INPP4B: variants seen among roughly 807,000 people sequenced by gnomAD.
The protein encoded by INPP4B is inositol polyphosphate-4-phosphatase type II B.
A neutral mutation model predicts 122.5 loss-of-function variants in INPP4B; 55 were observed. That is an observed-to-expected ratio of 0.45 (90% CI 0.36 to 0.56). The LOEUF is 0.56. Among genes scored for constraint, INPP4B ranks in the 20% least tolerant of loss-of-function variants. The pLI is 0.00. For missense variants in INPP4B, 1,000 were observed against 1,097.7 expected (o/e 0.91, Z 1.26); for synonymous variants, 403 against 388.7 (o/e 1.04, Z -0.43).
At chr4:142,477,823 T>C (rs1819989469) in intron 2 of INPP4B, among the ~76,000 whole-genome samples, 1 of 152,180 alleles carries the variant, frequency 6.6e-6, no homozygotes, top group Non-Finnish European at 1.5e-5. Flanking sequence ...ACCAGATGGA[T>C]TCACAGACAA....
intron 11 of INPP4B, among the ~76,000 whole-genome samples, chr4:142,241,027 A>T (rs1859106618): frequency 6.6e-6 from 1 of 152,166 alleles, no homozygotes; most frequent in Admixed American, 6.5e-5. Context: ...TCTATAGCAT[A>T]CACACTCTGC....
chr4:142,043,409 T>C (rs2152344340), intron 25 of INPP4B, among the ~76,000 whole-genome samples: 1 of 152,338 alleles, frequency 6.6e-6, no homozygotes, highest in Middle Eastern at 3.4e-3. Context: ...ATGCTTTATA[T>C]ATATCATCAT....
intron 2 of INPP4B, among the ~76,000 whole-genome samples, chr4:142,650,149 TAC>T: frequency 6.6e-6 from 1 of 152,286 alleles, no homozygotes; most frequent in East Asian, 1.9e-4. Flanking sequence ...TAAAATCCTT[TAC>T]AGACAAGCAA....
intron 2 of INPP4B, among the ~76,000 whole-genome samples, chr4:142,694,700 C>T (rs886812330): frequency 3.3e-5 from 5 of 152,142 alleles, no homozygotes; most frequent in Admixed American, 6.5e-5. Flanking sequence ...TCTGCAGCTT[C>T]GTCCTTTGTG....
chr4:142,818,433 A>G (rs1780389321), intron 1 of INPP4B, among the ~76,000 whole-genome samples: 2 of 136,570 alleles, frequency 1.5e-5, no homozygotes, highest in Non-Finnish European at 3.2e-5. Flanking sequence ...AAAGGAAGGC[A>G]ATTTAAACGT....
At chr4:142,392,020 G>A (rs1009556609) in intron 7 of INPP4B, among the ~76,000 whole-genome samples, 5 of 152,152 alleles carry the variant, frequency 3.3e-5, no homozygotes, top group Non-Finnish European at 7.3e-5. Context: ...GGTTCACTGA[G>A]GACAGTCAAC....
chr4:142,033,741 T>G (rs1022102921), intron 25 of INPP4B, among the ~76,000 whole-genome samples: 1 of 149,634 alleles, frequency 6.7e-6, no homozygotes, highest in African/African-American at 2.5e-5. Context: ...CATGGCCTAC[T>G]GCAGCTTCTA....
At chr4:142,727,982 A>C (rs1462813783) in intron 1 of INPP4B, among the ~76,000 whole-genome samples, 2 of 152,198 alleles carry the variant, frequency 1.3e-5, no homozygotes, top group African/African-American at 4.8e-5. Flanking sequence ...CTGAAGTACT[A>C]AGCCTAACAG....
intron 2 of INPP4B, among the ~76,000 whole-genome samples, chr4:142,469,093 A>G (rs943462984): frequency 7.9e-5 from 12 of 152,098 alleles, no homozygotes; most frequent in Admixed American, 6.5e-5. Flanking sequence ...TTAAGCTGAC[A>G]ATGGCATTCT....
intron 18 of INPP4B, among the ~76,000 whole-genome samples, chr4:142,133,746 G>A (rs1254963218): frequency 6.6e-6 from 1 of 152,072 alleles, no homozygotes; most frequent in East Asian, 1.9e-4. Flanking sequence ...GAATATGGTA[G>A]GGACATTTAT....
chr4:142,802,713 A>G (rs1778159696), intron 1 of INPP4B, among the ~76,000 whole-genome samples: 1 of 152,096 alleles, frequency 6.6e-6, no homozygotes, highest in Admixed American at 6.5e-5. Context: ...TACTCAGCCT[A>G]CTGAGGCTGA....
chr4:142,682,906 T>A (rs1219071844), intron 2 of INPP4B, among the ~76,000 whole-genome samples: 2 of 151,982 alleles, frequency 1.3e-5, no homozygotes, highest in Non-Finnish European at 2.9e-5. Flanking sequence ...AAGGAGAGTA[T>A]ATTGTACAGT....
intron 3 of INPP4B, among the ~76,000 whole-genome samples, chr4:142,458,931 C>T (rs1020072184): frequency 2.6e-5 from 4 of 152,186 alleles, no homozygotes; most frequent in Non-Finnish European, 4.4e-5. Flanking sequence ...GGAATTAAGA[C>T]ACCTAGCTCA....
At chr4:142,258,557 G>A (rs1202179604) in intron 11 of INPP4B, among the ~76,000 whole-genome samples, 62 of 152,150 alleles carry the variant, frequency 4.1e-4, no homozygotes, top group Non-Finnish European at 6.0e-4. Flanking sequence ...ATGAACAGAC[G>A]CTTCTCAAAA....
At chr4:142,161,514 T>C (rs375884352) in intron 16 of INPP4B, among the ~76,000 whole-genome samples, 2 of 152,086 alleles carry the variant, frequency 1.3e-5, no homozygotes, top group South Asian at 2.1e-4. Flanking sequence ...TATTGAATAA[T>C]AATTGATATT....
chr4:142,299,052 C>T (rs1312312894), intron 9 of INPP4B, among the ~76,000 whole-genome samples: 1 of 152,052 alleles, frequency 6.6e-6, no homozygotes, highest in East Asian at 1.9e-4. Context: ...ATGCAAAAAG[C>T]ACAGTGAGTC....
chr4:142,786,988 G>A (rs1055381163), intron 1 of INPP4B, among the ~76,000 whole-genome samples: 8 of 152,036 alleles, frequency 5.3e-5, no homozygotes, highest in African/African-American at 1.9e-4. Context: ...TTAAAAATCT[G>A]TGTAAATTAT....
At chr4:142,255,501 TGGA>T (rs1245650762) in intron 11 of INPP4B, among the ~76,000 whole-genome samples, 1 of 151,862 alleles carries the variant, frequency 6.6e-6, no homozygotes, top group African/African-American at 2.4e-5. Context: ...AATAAAAGGA[TGGA>T]GGAAGATCTA....
Position 142,145,955 on chromosome 4 carries a change from A to C in INPP4B, c.1605T>G (p.Ile535Met). Residue 535 changes from isoleucine (I) to methionine (M), a missense_variant, in exon 18 of 26, where the codon ATT becomes ATG. By Grantham distance (10) the Ile-to-Met change is conservative. Transcript: ENST00000262992. ...WANVGKSLNC[I>M]IAMVDKLIER... ...CAATCAGTTTGTCCACCATAGCAATAATGCAGTTCAGGCTCTTCCCCACAT... is the reference window on the plus strand; with the variant it reads ...CAATCAGTTTGTCCACCATAGCAATCATGCAGTTCAGGCTCTTCCCCACAT... 2 of 1,613,856 alleles carry C rather than the reference A, an allele frequency of 1.2e-6. No homozygotes were observed. The highest frequency in any genetic ancestry group is 2.2e-5 in the South Asian group (2 of 91,048).
Sources: allele counts gnomAD v4.1 joint callset (sites outside exome capture counted in the v4.1 genomes callset), GRCh38; gene constraint gnomAD v4.1.1; transcripts MANE v1.5; gene names NCBI Gene and HGNC (gene_info 2026-07-23, HGNC 2026-07-21).